RBL1: variants seen among roughly 807,000 people sequenced by gnomAD.
RBL1 encodes the protein retinoblastoma-like protein 1.
In RBL1, 82 loss-of-function variants were observed where a neutral mutation model predicts 123.0. The observed-to-expected ratio is 0.67, with a 90% CI of 0.56 to 0.80. The LOEUF is 0.80. RBL1 is among the 30% of genes least tolerant of loss of function. The pLI is 0.00. For missense variants in RBL1, 1,171 were observed against 1,299.6 expected (o/e 0.90, Z 1.52); for synonymous variants, 405 against 441.3 (o/e 0.92, Z 1.03).
intron 1 of RBL1, 42 bp downstream of exon 1, chr20:37,095,731 T>A (rs1157061693): frequency 6.6e-7 from 1 of 1,518,294 alleles, no homozygotes; most frequent in Non-Finnish European, 8.9e-7. Flanking sequence ...GGGTGGGGCC[T>A]GGCGAGGGTA....
chr20:37,049,432 G>C (rs988700643), intron 11 of RBL1: 1 of 750,622 alleles, frequency 1.3e-6, no homozygotes, highest in African/African-American at 1.7e-5. Context: ...CATTCAAAAG[G>C]AGTCTACTCT....
intron 1 of RBL1, among the ~76,000 whole-genome samples, chr20:37,089,799 G>T (rs2065618502): frequency 6.6e-6 from 1 of 152,144 alleles, no homozygotes; most frequent in Non-Finnish European, 1.5e-5. Context: ...AGGCGCGGTG[G>T]CTCATGCCTG....
Position 37,003,876 on chromosome 20 carries a change from C to T in RBL1, c.2872-10G>A. The T allele has an allele frequency of 6.3e-7, 1 of 1,578,182 alleles. No individual in the cohort carries two copies. Among genetic ancestry groups the T allele is most frequent in the Middle Eastern group, 1.7e-4 (1 of 5,904 alleles). ...GTGGTGGAGCATCCATCTAAAATAA[C>T]CCAAAAGTCAGATTTTTTAGATAAA... On this transcript the variant is annotated splice_polypyrimidine_tract_variant and intron_variant, in intron 20 of 21. Transcript: ENST00000373664.
At chr20:37,090,380 T>C (rs2065629341) in intron 1 of RBL1, among the ~76,000 whole-genome samples, 1 of 152,234 alleles carries the variant, frequency 6.6e-6, no homozygotes, top group African/African-American at 2.4e-5. Flanking sequence ...AAGAGTTTTA[T>C]TAAAATTTGT....
intron 13 of RBL1, among the ~76,000 whole-genome samples, chr20:37,041,816 G>C (rs2064732696): frequency 6.6e-6 from 1 of 151,948 alleles, no homozygotes; most frequent in African/African-American, 2.4e-5. Flanking sequence ...CATCAAGAAA[G>C]TGAAAAGACA....
intron 18 of RBL1, among the ~76,000 whole-genome samples, 158 bp from the exon 19 acceptor site, chr20:37,018,527 T>A (rs1447415910): frequency 6.6e-6 from 1 of 152,192 alleles, no homozygotes; most frequent in Non-Finnish European, 1.5e-5. Flanking sequence ...TAAGTATAGA[T>A]TATAACACAT....
intron 12 of RBL1, among the ~76,000 whole-genome samples, chr20:37,045,175 C>T (rs532735213): frequency 1.3e-5 from 2 of 151,810 alleles, no homozygotes; most frequent in African/African-American, 2.4e-5. Context: ...GGCGCCATCT[C>T]GGCTCACTGC....
chr20:37,052,097 A>G (rs1237992644), intron 11 of RBL1, among the ~76,000 whole-genome samples: 1 of 151,740 alleles, frequency 6.6e-6, no homozygotes, highest in Non-Finnish European at 1.5e-5. Flanking sequence ...CAGTGGTGCA[A>G]TCTTGGCTCA....
intron 13 of RBL1, among the ~76,000 whole-genome samples, chr20:37,043,162 GCACACACACACA>G (rs147834827): frequency 2.0e-5 from 3 of 147,806 alleles, no homozygotes; most frequent in Non-Finnish European, 3.0e-5. Flanking sequence ...ATGCGCGCGT[GCACACACACACA>G]CACACACACA....
At chr20:37,020,794 C>T (rs1013032807) in intron 17 of RBL1, 64 bp from the exon 18 acceptor site, 32 of 1,136,922 alleles carry the variant, frequency 2.8e-5, no homozygotes, top group Non-Finnish European at 3.9e-5. Context: ...CTGAACAAAA[C>T]TTCAATTATA....
At chr20:37,095,049 G>A (rs1297222457) in intron 1 of RBL1, among the ~76,000 whole-genome samples, 2 of 152,210 alleles carry the variant, frequency 1.3e-5, no homozygotes, top group African/African-American at 4.8e-5. Flanking sequence ...GGGCTGTTGC[G>A]AGGATAAAAT....
chr20:37,087,242 G>T (rs1470375393), intron 2 of RBL1, among the ~76,000 whole-genome samples: 1 of 152,128 alleles, frequency 6.6e-6, no homozygotes, highest in Non-Finnish European at 1.5e-5. Flanking sequence ...GGCTGAGGCA[G>T]GAGAATCGCT....
chr20:37,065,332 C>G (rs1162798665), intron 7 of RBL1, 92 bp downstream of exon 7: 1 of 926,580 alleles, frequency 1.1e-6, no homozygotes, highest in Non-Finnish European at 1.6e-6. Context: ...GGAGGTCTTA[C>G]TTTGATATAC....
At chr20:37,095,684 T>G in intron 1 of RBL1, 89 bp downstream of exon 1, 1 of 1,256,960 alleles carries the variant, frequency 8.0e-7, no homozygotes, top group African/African-American at 1.5e-5. Context: ...GTGGGGAAAC[T>G]CCCACCACCC....
intron 18 of RBL1, 61 bp downstream of exon 18, chr20:37,020,598 A>T: frequency 8.8e-7 from 1 of 1,136,854 alleles, no homozygotes; most frequent in South Asian, 1.5e-5. Context: ...CCTTTTATAT[A>T]ACTTGTCAGT....
At chr20:37,073,329 A>G (rs2065310217) in intron 2 of RBL1, among the ~76,000 whole-genome samples, 1 of 152,170 alleles carries the variant, frequency 6.6e-6, no homozygotes, top group Admixed American at 6.5e-5. Context: ...CTTAAATCAT[A>G]ATTACAGTTT....
At chr20:37,023,642 T>A (rs2046875685) in intron 16 of RBL1, among the ~76,000 whole-genome samples, 1 of 152,116 alleles carries the variant, frequency 6.6e-6, no homozygotes, top group South Asian at 2.1e-4. Flanking sequence ...GATACAAAGT[T>A]GTTGTTTTTT....
intron 18 of RBL1, 149 bp downstream of exon 18, chr20:37,020,510 A>G (rs62206481): frequency 3.0e-5 from 19 of 630,176 alleles, no homozygotes; most frequent in African/African-American, 3.8e-5. Context: ...CTGTCCTTCA[A>G]TGAAATTATC....
intron 2 of RBL1, among the ~76,000 whole-genome samples, chr20:37,070,341 GC>G (rs1234485794): frequency 1.3e-5 from 2 of 152,228 alleles, no homozygotes; most frequent in East Asian, 3.9e-4. Context: ...GCGGAAGGCC[GC>G]AGGGTCCTCT....
Sources: gnomAD v4.1 joint callset for allele counts (sites outside exome capture counted in the v4.1 genomes callset) on GRCh38, gnomAD v4.1.1 for gene constraint, MANE v1.5 for transcripts, NCBI Gene and HGNC (gene_info 2026-07-23, HGNC 2026-07-21) for gene names.